MILR1: variants seen among roughly 807,000 people sequenced by gnomAD.
MILR1 encodes allergin-1.
Under a neutral mutation model 18.5 loss-of-function variants are expected in MILR1, and 31 were observed. The observed-to-expected ratio is 1.68, with a 90% CI of 1.26 to 2.26. MILR1 has a LOEUF of 2.26. MILR1 is among the 30% of genes most tolerant of loss of function. MILR1 has a pLI of 0.00. For synonymous variants in MILR1, 85 were observed against 56.2 expected, an observed-to-expected ratio of 1.51 and a Z score of -2.30; for missense variants, 257 against 157.4, an observed-to-expected ratio of 1.63 and a Z score of -3.38.
chr17:64,487,130 GTTAA>G, the MILR1 span: 2 of 151,320 alleles, frequency 1.3e-5, no homozygotes, highest in African/African-American at 2.4e-5. Context: ...CTCAGCTTCT[GTTAA>G]TTATTCATGA....
chr17:64,476,984 A>C, the MILR1 span, among the ~76,000 whole-genome samples: 1 of 152,212 alleles, frequency 6.6e-6, no homozygotes, highest in South Asian at 2.1e-4. Flanking sequence ...ATCAACACAT[A>C]AAAGTTAAAA....
intron 5 of MILR1, among the ~76,000 whole-genome samples, chr17:64,464,116 ATTTT>A (rs1182677616): frequency 2.0e-5 from 2 of 100,856 alleles, no homozygotes; most frequent in South Asian, 6.0e-4. Flanking sequence ...CGCGCCTGAC[ATTTT>A]TTTTTTTTTT....
At chr17:64,481,391 A>T in the MILR1 span, 1 of 985,422 alleles carries the variant, frequency 1.0e-6, no homozygotes, top group Non-Finnish European at 1.2e-6. Context: ...GTCCGCATTC[A>T]GGTCTGGGCT....
the MILR1 span, among the ~76,000 whole-genome samples, chr17:64,495,955 C>A: frequency 3.9e-5 from 6 of 152,122 alleles, no homozygotes; most frequent in African/African-American, 1.4e-4. Flanking sequence ...GTGATCCACC[C>A]GCCTCTGCCT....
At chr17:64,496,602 C>G in the MILR1 span, 4 of 1,613,840 alleles carry the variant, frequency 2.5e-6, no homozygotes, top group Middle Eastern at 1.6e-4. Context: ...AATACCTGCT[C>G]CCTGAACACC....
intron 3 of MILR1, among the ~76,000 whole-genome samples, chr17:64,456,558 C>T (rs1353603917): frequency 2.0e-5 from 3 of 152,136 alleles, no homozygotes; most frequent in South Asian, 4.1e-4. Flanking sequence ...CACCTGAAAT[C>T]CCGGCACTTT....
intron 3 of MILR1, 51 bp downstream of exon 3, chr17:64,452,917 C>G (rs2037207067): frequency 2.1e-6 from 1 of 466,218 alleles, no homozygotes; most frequent in African/African-American, 2.0e-5. Context: ...AGGGTGCTTT[C>G]TGGTTCTATG....
At chr17:64,492,683 A>G in the MILR1 span, 3 of 1,605,648 alleles carry the variant, frequency 1.9e-6, no homozygotes, top group Non-Finnish European at 2.6e-6. Context: ...CCACCACTGG[A>G]GTCGATGACG....
chr17:64,453,402 C>T (rs2037218733), intron 3 of MILR1, among the ~76,000 whole-genome samples: 1 of 152,070 alleles, frequency 6.6e-6, no homozygotes, highest in African/African-American at 2.4e-5. Context: ...GTTTCACCTT[C>T]TCTTTCAAAG....
At chr17:64,455,453 CA>C (rs1201488886) in intron 3 of MILR1, among the ~76,000 whole-genome samples, 3 of 151,082 alleles carry the variant, frequency 2.0e-5, no homozygotes, top group South Asian at 2.1e-4. Flanking sequence ...ATTCACTCAT[CA>C]AAAAAAAATT....
chr17:64,460,395 T>C (rs1403997906), intron 4 of MILR1, among the ~76,000 whole-genome samples: 1 of 152,166 alleles, frequency 6.6e-6, no homozygotes, highest in Non-Finnish European at 1.5e-5. Flanking sequence ...TGGAGTGCAG[T>C]GGCACAATCA....
At chr17:64,475,240 G>C in the MILR1 span, among the ~76,000 whole-genome samples, 6 of 151,466 alleles carry the variant, frequency 4.0e-5, no homozygotes, top group Non-Finnish European at 5.9e-5. Flanking sequence ...GGCCAAAGAT[G>C]GGACAATTTG....
chr17:64,487,427 A>T, the MILR1 span: 1 of 152,204 alleles, frequency 6.6e-6, no homozygotes, highest in Non-Finnish European at 1.5e-5. Flanking sequence ...CAGCCTGGCC[A>T]ACATGGTAAA....
Position 64,466,518 on chromosome 17 carries a change from T to G in MILR1, c.910+20T>G. The G allele has an allele frequency of 6.2e-7, 1 of 1,612,566 alleles. No homozygotes were observed. Among genetic ancestry groups the G allele is most frequent in the Non-Finnish European group, 8.5e-7 (1 of 1,178,900 alleles). ...AAGATGGTGAGCATGTTCTGCAGAG[T>G]CTATTCCACTGCCCTCATGCGCTTA... is the stretch of plus-strand genomic sequence containing the variant. On this transcript the variant is annotated intron_variant, in intron 7 of 9. Coordinates refer to ENST00000619286, the MANE Select transcript of MILR1 (RefSeq NM_001085423.2).
the MILR1 span, chr17:64,482,985 G>T: frequency 6.2e-7 from 1 of 1,602,342 alleles, no homozygotes; most frequent in Non-Finnish European, 8.6e-7. Flanking sequence ...CTAAACAAGG[G>T]TGAAGTTTAA....
chr17:64,475,971 G>A, the MILR1 span, among the ~76,000 whole-genome samples: 57 of 151,196 alleles, frequency 3.8e-4, no homozygotes, highest in East Asian at 2.4e-3. Context: ...CCACCACCAC[G>A]CCCAGCTAAT....
intron 8 of MILR1, 37 bp from the exon 9 acceptor site, chr17:64,467,528 A>T: frequency 7.7e-7 from 1 of 1,302,860 alleles, no homozygotes; most frequent in Admixed American, 2.2e-5. Flanking sequence ...TGCTGGTCAC[A>T]TATCCTAAGT....
chr17:64,466,673 G>T lies in MILR1; in HGVS notation c.979+11G>T, dbSNP rs781802685. ...CACCAAGAGAGCAAGGTGAGCCACA[G>T]GTTGGGATAAGAGGTACTGGTGAAA... On this transcript the variant is annotated intron_variant, in intron 8 of 9. Transcript: ENST00000619286. The T allele has an allele frequency of 6.3e-7, 1 of 1,598,244 alleles. No individual in the cohort carries two copies. Among genetic ancestry groups the T allele is most frequent in the Admixed American group, 1.7e-5 (1 of 57,358 alleles).
chr17:64,480,362 G>C, the MILR1 span: 1 of 1,589,818 alleles, frequency 6.3e-7, no homozygotes, highest in Non-Finnish European at 8.6e-7. Flanking sequence ...CCATTTTCTA[G>C]TAACTCATTA....
Sources: gnomAD v4.1 joint callset for allele counts (sites outside exome capture counted in the v4.1 genomes callset) on GRCh38, gnomAD v4.1.1 for gene constraint, MANE v1.5 for transcripts, NCBI Gene and HGNC (gene_info 2026-07-23, HGNC 2026-07-21) for gene names.